Variants in SLC9C1 observed in about 807,000 individuals in gnomAD.
The protein encoded by SLC9C1 is sodium/hydrogen exchanger 10.
SLC9C1 carries 97 observed loss-of-function variants against 140.9 expected under a neutral mutation model. The ratio of observed to expected loss-of-function variants is 0.69; its 90% CI spans 0.58 to 0.82. The LOEUF is 0.82. SLC9C1 is among the 40% of genes least tolerant of loss of function. The probability of loss-of-function intolerance (pLI) is 0.00; values close to 1 mark genes in which losing one functional copy is unlikely to be tolerated. For synonymous variants in SLC9C1, 440 were observed against 442.6 expected, an observed-to-expected ratio of 0.99 and a Z score of 0.07; for missense variants, 1,340 against 1,389.3, an observed-to-expected ratio of 0.96 and a Z score of 0.56.
At chr3:112,149,419 T>G (rs910028074) in intron 28 of SLC9C1, among the ~76,000 whole-genome samples, 1 of 151,446 alleles carries the variant, frequency 6.6e-6, no homozygotes, top group East Asian at 1.9e-4. Context: ...ATCCAGTGAG[T>G]GAGTAATCCA....
chr3:112,263,135 C>T lies in SLC9C1; in HGVS notation c.1023-37G>A, dbSNP rs73853379. On this transcript the variant is annotated intron_variant, in intron 9 of 28. Coordinates refer to ENST00000305815, the MANE Select transcript of SLC9C1 (RefSeq NM_183061.3). ...AACAATTTTTACAAAGTTATTCTTT[C>T]ATATGAGTTTCTTTCCATTTCATGC... is the stretch of plus-strand genomic sequence containing the variant. 9.3e-4 allele frequency: 1,405 copies of T among 1,509,816 alleles called. 19 individuals carry two copies. In the African/African-American group the frequency reaches 0.017, roughly 18 times the overall value. 93.5% of individuals were successfully genotyped at this position (1,509,816 alleles called of 1,614,324 possible).
intron 13 of SLC9C1, among the ~76,000 whole-genome samples, chr3:112,221,991 A>C (rs1190966415): frequency 1.3e-5 from 2 of 152,192 alleles, no homozygotes. Context: ...TGAATATTAA[A>C]CACTGCTTCG....
At chr3:112,241,072 G>A (rs563498453) in intron 11 of SLC9C1, among the ~76,000 whole-genome samples, 40 of 152,142 alleles carry the variant, frequency 2.6e-4, no homozygotes, top group Middle Eastern at 3.4e-3. Flanking sequence ...ACACAATAAG[G>A]TGACTATAGT....
At chr3:112,242,300 G>T (rs2079157918) in intron 11 of SLC9C1, among the ~76,000 whole-genome samples, 1 of 152,154 alleles carries the variant, frequency 6.6e-6, no homozygotes, top group African/African-American at 2.4e-5. Flanking sequence ...ATCAACAGAT[G>T]AATGGATAAA....
intron 20 of SLC9C1, among the ~76,000 whole-genome samples, chr3:112,188,610 C>T (rs1049571898): frequency 3.3e-5 from 5 of 152,094 alleles, no homozygotes; most frequent in African/African-American, 1.2e-4. Flanking sequence ...GTATATGTGC[C>T]ACATTTTCTT....
chr3:112,188,396 C>G (rs1469803179), intron 20 of SLC9C1, among the ~76,000 whole-genome samples: 2 of 142,266 alleles, frequency 1.4e-5, no homozygotes, highest in Admixed American at 1.4e-4. Flanking sequence ...TCCCCTCACC[C>G]CATGACAGGC....
chr3:112,190,834 C>CA (rs1333413412), intron 20 of SLC9C1, among the ~76,000 whole-genome samples: 3 of 151,412 alleles, frequency 2.0e-5, no homozygotes, highest in Non-Finnish European at 2.9e-5. Flanking sequence ...ATACATGTTA[C>CA]AAATGTTATT....
At chr3:112,185,786 G>C in intron 20 of SLC9C1, 1 of 1,553,662 alleles carries the variant, frequency 6.4e-7, no homozygotes, top group East Asian at 2.4e-5. Flanking sequence ...CGATGCGGCT[G>C]CGAGAGGGCA....
At chr3:112,185,298 A>G (rs969024344) in intron 20 of SLC9C1, among the ~76,000 whole-genome samples, 30 of 149,912 alleles carry the variant, frequency 2.0e-4, no homozygotes, top group Non-Finnish European at 1.0e-4. Flanking sequence ...GACAATCCAC[A>G]TATATAAATC....
chr3:112,209,750 C>T (rs1342638392), intron 15 of SLC9C1, among the ~76,000 whole-genome samples: 1 of 151,978 alleles, frequency 6.6e-6, no homozygotes, highest in Non-Finnish European at 1.5e-5. Flanking sequence ...AAAATAGCAC[C>T]AAAAACAACA....
chr3:112,285,234 A>G lies in SLC9C1; in HGVS notation c.88+1470T>C, dbSNP rs1408055739. Among the ~76,000 whole-genome samples the G allele has an allele frequency of 3.9e-5, 6 of 151,946 alleles. No homozygotes were observed. In the East Asian group the frequency reaches 1.2e-3, roughly 29 times the overall value. Reference sequence around the variant, plus strand: ...ATCTCCTGAAAAATATTTATAGCCAACAACAGGAGAGGTTTTTGTTTTGAG... The same window carrying G: ...ATCTCCTGAAAAATATTTATAGCCAGCAACAGGAGAGGTTTTTGTTTTGAG... On this transcript the variant is annotated intron_variant, in intron 2 of 28. Transcript: ENST00000305815.
At chr3:112,156,426 A>G (rs1422809775) in intron 26 of SLC9C1, among the ~76,000 whole-genome samples, 1 of 152,066 alleles carries the variant, frequency 6.6e-6, no homozygotes, top group East Asian at 1.9e-4. Context: ...TTTGTTGATG[A>G]ACACTTATGT....
chr3:112,142,815 T>C (rs542788871), intron 28 of SLC9C1, among the ~76,000 whole-genome samples: 3 of 152,276 alleles, frequency 2.0e-5, no homozygotes, highest in South Asian at 4.1e-4. Flanking sequence ...GGCTTAGGAT[T>C]CAAATGATTC....
intron 23 of SLC9C1, among the ~76,000 whole-genome samples, chr3:112,169,652 A>T (rs1045728129): frequency 2.0e-5 from 3 of 152,164 alleles, no homozygotes; most frequent in Non-Finnish European, 4.4e-5. Context: ...TATAATTTGA[A>T]GTTAGGTGAT....
intron 12 of SLC9C1, among the ~76,000 whole-genome samples, chr3:112,232,242 C>G (rs2078848852): frequency 6.6e-6 from 1 of 152,046 alleles, no homozygotes; most frequent in South Asian, 2.1e-4. Context: ...GAGTGGTGGC[C>G]CCAACACTGG....
intron 23 of SLC9C1, among the ~76,000 whole-genome samples, chr3:112,176,231 C>T (rs1356578076): frequency 6.6e-6 from 1 of 152,196 alleles, no homozygotes; most frequent in Non-Finnish European, 1.5e-5. Flanking sequence ...CTCACTGCTT[C>T]CCTGGGCAGG....
At chr3:112,231,521 A>T (rs1195998802) in intron 12 of SLC9C1, 35 bp from the exon 13 acceptor site, 2 of 1,553,622 alleles carry the variant, frequency 1.3e-6, no homozygotes, top group African/African-American at 2.7e-5. Flanking sequence ...CAAAAAATAC[A>T]TGAATATTAA....
chr3:112,181,847 T>G (rs2077445916), intron 21 of SLC9C1, among the ~76,000 whole-genome samples: 1 of 150,452 alleles, frequency 6.6e-6, no homozygotes, highest in African/African-American at 2.4e-5. Flanking sequence ...CACAGATGAA[T>G]GGAATTAGAA....
intron 13 of SLC9C1, among the ~76,000 whole-genome samples, chr3:112,225,809 A>C (rs2078668399): frequency 6.6e-6 from 1 of 152,160 alleles, no homozygotes; most frequent in Non-Finnish European, 1.5e-5. Flanking sequence ...ATAGACTTTA[A>C]GTAAAACACT....
Sources: allele counts gnomAD v4.1 joint callset (sites outside exome capture counted in the v4.1 genomes callset), GRCh38; gene constraint gnomAD v4.1.1; transcripts MANE v1.5; gene names NCBI Gene and HGNC (gene_info 2026-07-23, HGNC 2026-07-21).